The following PLXDC2 variants were observed in gnomAD, a reference collection of about 807,000 sequenced individuals.
PLXDC2 encodes plexin domain-containing protein 2.
A neutral mutation model predicts 68.9 loss-of-function variants in PLXDC2; 40 were observed. The observed-to-expected ratio is 0.58, with a 90% CI of 0.45 to 0.76. PLXDC2 has a LOEUF of 0.76. Ranked by LOEUF, PLXDC2 falls within the 30% of genes least tolerant of loss-of-function variation. The pLI, the probability that PLXDC2 is intolerant of heterozygous loss-of-function variation, is 0.00. For synonymous variants in PLXDC2, 243 were observed against 234.2 expected (o/e 1.04, Z -0.34); for missense variants, 644 against 661.9 (o/e 0.97, Z 0.30).
chr10:20,019,439 T>C (rs1835266141), intron 2 of PLXDC2, among the ~76,000 whole-genome samples: 1 of 152,180 alleles, frequency 6.6e-6, no homozygotes, highest in Non-Finnish European at 1.5e-5. Context: ...TGGTTCCTGG[T>C]AATTGATGCC....
intron 4 of PLXDC2, among the ~76,000 whole-genome samples, chr10:20,111,017 A>C (rs1161895277): frequency 6.6e-6 from 1 of 152,096 alleles, no homozygotes; most frequent in African/African-American, 2.4e-5. Flanking sequence ...TAATTCTACC[A>C]AACAAAAATA....
intron 7 of PLXDC2, among the ~76,000 whole-genome samples, chr10:20,169,722 C>A (rs1343491475): frequency 6.6e-6 from 1 of 152,230 alleles, no homozygotes; most frequent in East Asian, 1.9e-4. Flanking sequence ...CCATGTGGTT[C>A]TTTAATTTGG....
chr10:20,029,006 T>A (rs1043120985), intron 2 of PLXDC2, among the ~76,000 whole-genome samples: 3 of 152,190 alleles, frequency 2.0e-5, no homozygotes, highest in African/African-American at 7.2e-5. Context: ...GCTTTTGTTC[T>A]GGAGAGTTTC....
rs577473236 is a variant in PLXDC2, at chr10:19,933,526, C to T, written c.113-68249C>T. On this transcript the variant is annotated intron_variant, in intron 1 of 13. Transcript: ENST00000377252. ...GTGGGCACCTATCATCCCAGCTACT[C>T]GGCAGGCTGAGGCAGAGAATTGCTT... is the stretch of plus-strand genomic sequence containing the variant. Among the ~76,000 whole-genome samples, 43 of 152,000 alleles carry T rather than the reference C, an allele frequency of 2.8e-4. No individual in the cohort carries two copies. The Middle Eastern group carries it at 0.01, about 36-fold the overall frequency.
intron 2 of PLXDC2, among the ~76,000 whole-genome samples, chr10:20,003,428 ATGTTTGTT>A (rs60598198): frequency 2.5e-4 from 38 of 151,874 alleles, no homozygotes; most frequent in Admixed American, 9.8e-4. Context: ...TAGAAACAGC[ATGTTTGTT>A]TGTTTGTTTG....
intron 4 of PLXDC2, among the ~76,000 whole-genome samples, chr10:20,087,299 A>C (rs1000831113): frequency 3.3e-5 from 5 of 152,180 alleles, no homozygotes; most frequent in Non-Finnish European, 5.9e-5. Context: ...TGTTCATGTG[A>C]GCTGTTTAGC....
intron 4 of PLXDC2, among the ~76,000 whole-genome samples, chr10:20,140,431 ATCTATCTATCCG>A (rs1311918904): frequency 2.7e-5 from 4 of 149,334 alleles, no homozygotes; most frequent in Admixed American, 6.7e-5. Context: ...CTATCTATCT[ATCTATCTATCCG>A]TCTAATCTTT....
intron 2 of PLXDC2, among the ~76,000 whole-genome samples, chr10:20,004,010 G>A (rs758077152): frequency 3.9e-5 from 6 of 152,136 alleles, no homozygotes; most frequent in Non-Finnish European, 7.3e-5. Flanking sequence ...TGAGCTGACA[G>A]GCTTATGATT....
intron 7 of PLXDC2, among the ~76,000 whole-genome samples, chr10:20,167,768 C>T (rs992837823): frequency 6.6e-6 from 1 of 152,100 alleles, no homozygotes; most frequent in South Asian, 2.1e-4. Context: ...AATGTGAGCT[C>T]AAGCCTGGAA....
intron 12 of PLXDC2, among the ~76,000 whole-genome samples, chr10:20,220,838 C>CTTTTT (rs4026632): frequency 2.6e-5 from 3 of 116,498 alleles, no homozygotes; most frequent in Non-Finnish European, 5.1e-5. Flanking sequence ...GCTCTTAACA[C>CTTTTT]TTTTTTTTTT....
intron 1 of PLXDC2, among the ~76,000 whole-genome samples, chr10:19,873,001 G>C (rs917710894): frequency 2.0e-5 from 3 of 152,138 alleles, no homozygotes; most frequent in Non-Finnish European, 4.4e-5. Context: ...AGAACAGTTT[G>C]ACTATTGGCA....
At chr10:19,848,364 A>G (rs1330148202) in intron 1 of PLXDC2, among the ~76,000 whole-genome samples, 1 of 151,954 alleles carries the variant, frequency 6.6e-6, no homozygotes, top group African/African-American at 2.4e-5. Context: ...TGTGTCTCTT[A>G]CCTCTACTCC....
chr10:20,251,399 G>C (rs772182528), intron 13 of PLXDC2, among the ~76,000 whole-genome samples: 1 of 152,098 alleles, frequency 6.6e-6, no homozygotes, highest in Non-Finnish European at 1.5e-5. Flanking sequence ...ATTTAAGTAA[G>C]CATGAATTCC....
At chr10:20,198,078 G>A (rs1834865590) in intron 9 of PLXDC2, among the ~76,000 whole-genome samples, 1 of 152,124 alleles carries the variant, frequency 6.6e-6, no homozygotes, top group African/African-American at 2.4e-5. Context: ...TGGAGTTCCA[G>A]TTAAGAGAAG....
intron 1 of PLXDC2, among the ~76,000 whole-genome samples, chr10:19,853,374 C>T (rs1837155833): frequency 6.6e-6 from 1 of 151,650 alleles, no homozygotes; most frequent in South Asian, 2.1e-4. Context: ...AAATTTCTTC[C>T]TTCTGTTTCT....
At chr10:19,833,953 T>G (rs1361544643) in intron 1 of PLXDC2, among the ~76,000 whole-genome samples, 3 of 151,870 alleles carry the variant, frequency 2.0e-5, no homozygotes, top group Non-Finnish European at 4.4e-5. Flanking sequence ...TTTGCTTTTT[T>G]TTTTTTTTTC....
chr10:20,011,072 G>A (rs1835105528), intron 2 of PLXDC2, among the ~76,000 whole-genome samples: 1 of 152,108 alleles, frequency 6.6e-6, no homozygotes, highest in South Asian at 2.1e-4. Context: ...TTATAGTTCA[G>A]CCCCAATGTC....
chr10:19,895,345 G>T (rs1838039817), intron 1 of PLXDC2, among the ~76,000 whole-genome samples: 1 of 152,096 alleles, frequency 6.6e-6, no homozygotes, highest in South Asian at 2.1e-4. Flanking sequence ...CAGCAAAATG[G>T]TCCAATAGAA....
chr10:19,935,054 A>G (rs944299617), intron 1 of PLXDC2, among the ~76,000 whole-genome samples: 9 of 152,234 alleles, frequency 5.9e-5, no homozygotes, highest in African/African-American at 2.2e-4. Flanking sequence ...ATTTCGTAGA[A>G]GAGTCAGAAA....
Sources: allele counts gnomAD v4.1 joint callset (sites outside exome capture counted in the v4.1 genomes callset), GRCh38; gene constraint gnomAD v4.1.1; transcripts MANE v1.5; gene names NCBI Gene and HGNC (gene_info 2026-07-23, HGNC 2026-07-21).